The following TPCN1 variants were observed in gnomAD, a reference collection of about 807,000 sequenced individuals.
TPCN1 encodes two pore channel protein 1.
TPCN1 carries 52 observed loss-of-function variants against 108.8 expected under a neutral mutation model. The observed-to-expected ratio is 0.48, with a 90% CI of 0.38 to 0.60. TPCN1 has a LOEUF of 0.60. TPCN1 is among the 20% of genes least tolerant of loss of function. The pLI is 0.00. For missense variants in TPCN1, 806 were observed against 1,072.8 expected, an observed-to-expected ratio of 0.75 and a Z score of 3.47; for synonymous variants, 446 against 433.7, an observed-to-expected ratio of 1.03 and a Z score of -0.35.
intron 4 of TPCN1, among the ~76,000 whole-genome samples, chr12:113,267,403 CT>C (rs542057561): frequency 1.2e-3 from 169 of 145,042 alleles, no homozygotes; most frequent in Middle Eastern, 3.5e-3. Context: ...GTTTTTCTTA[CT>C]TTTTTTTTTT....
At chr12:113,252,716 C>T (rs920076462) in intron 2 of TPCN1, among the ~76,000 whole-genome samples, 5 of 152,214 alleles carry the variant, frequency 3.3e-5, no homozygotes, top group African/African-American at 9.6e-5. Context: ...CTCCATCCAG[C>T]TGCTTGCCTG....
chr12:113,256,191 T>G (rs1335956830), intron 2 of TPCN1, among the ~76,000 whole-genome samples: 1 of 152,100 alleles, frequency 6.6e-6, no homozygotes, highest in Non-Finnish European at 1.5e-5. Context: ...CAGGCTAGGT[T>G]TCTATTGATT....
intron 2 of TPCN1, among the ~76,000 whole-genome samples, chr12:113,245,332 T>C (rs1386487244): frequency 1.7e-5 from 2 of 120,840 alleles, no homozygotes; most frequent in Non-Finnish European, 3.4e-5. Flanking sequence ...GCGCGGTGGC[T>C]CACGCCTGTA....
intron 2 of TPCN1, among the ~76,000 whole-genome samples, chr12:113,239,752 T>C (rs997557473): frequency 2.0e-5 from 3 of 152,218 alleles, no homozygotes; most frequent in African/African-American, 7.2e-5. Flanking sequence ...AGCCCACACA[T>C]GTCCAATCCC....
chr12:113,242,367 C>T (rs948846688), intron 2 of TPCN1, among the ~76,000 whole-genome samples: 12 of 152,206 alleles, frequency 7.9e-5, no homozygotes, highest in African/African-American at 2.7e-4. Context: ...GGCCTACACC[C>T]CCAGCCTTGC....
In TPCN1 at chr12:113,298,397, C is replaced by G. The variant is rs1475372324; in HGVS notation, c.*2321C>G. On this transcript the variant is annotated 3_prime_UTR_variant, in exon 28 of 28. Coordinates refer to ENST00000335509, the MANE Select transcript of TPCN1 (RefSeq NM_017901.6). The stretch of plus-strand genomic sequence containing the variant: ...CAGCCTGGTGGTGGTGGCAATAGAA[C>G]TGTGCCCCTCCTCAGCTCCTCGCTT... 6.6e-6 allele frequency: 1 copy of G among 152,374 alleles called. No individual in the cohort carries two copies. Among genetic ancestry groups the G allele is most frequent in the Admixed American group, 6.5e-5 (1 of 15,292 alleles). 9.4% of individuals were successfully genotyped at this position (152,374 alleles called of 1,614,324 possible).
At chr12:113,285,742 C>T (rs1035697909) in intron 17 of TPCN1, 147 bp from the exon 18 acceptor site, 13 of 706,186 alleles carry the variant, frequency 1.8e-5, no homozygotes, top group East Asian at 1.3e-4. Flanking sequence ...CCTGCTCTCA[C>T]GCTGGGACAT....
intron 15 of TPCN1, among the ~76,000 whole-genome samples, chr12:113,283,411 G>A (rs1955959271): frequency 6.6e-6 from 1 of 152,066 alleles, no homozygotes; most frequent in Non-Finnish European, 1.5e-5. Context: ...GAGGCAGGTG[G>A]ATTGCTTGAG....
Position 113,290,992 on chromosome 12 carries a change from C to G in TPCN1, c.1953C>G (p.Ile651Met). Residue 651 changes from isoleucine (I) to methionine (M), a missense_variant, in exon 23 of 28, where the codon ATC (isoleucine) becomes ATG (methionine). By Grantham distance (10) the Ile-to-Met change is conservative (BLOSUM62 1). Coordinates refer to ENST00000335509, the MANE Select transcript of TPCN1 (RefSeq NM_017901.6). ...FELTVVNNWY[I>M]IMEGVTSQTS... ...TCACAGTTGTCAACAACTGGTACAT[C>G]ATCATGGTAAGAGCTCGGGCAGCTC... is the stretch of plus-strand genomic sequence containing the variant. 6.2e-7 allele frequency: 1 copy of G among 1,613,780 alleles called. No homozygotes were observed. Among genetic ancestry groups the G allele is most frequent in the Non-Finnish European group, 8.5e-7 (1 of 1,179,984 alleles).
chr12:113,261,920 G>A (rs903144243), intron 3 of TPCN1, among the ~76,000 whole-genome samples: 13 of 152,004 alleles, frequency 8.6e-5, no homozygotes, highest in Non-Finnish European at 1.5e-4. Flanking sequence ...GAATTACCGG[G>A]TAGAAGGAAT....
intron 18 of TPCN1, 72 bp from the exon 19 acceptor site, chr12:113,286,914 AG>A: frequency 9.3e-7 from 1 of 1,078,906 alleles, no homozygotes; most frequent in South Asian, 1.3e-5. Flanking sequence ...GGCTGTGCAC[AG>A]GGCCAGGGAG....
intron 2 of TPCN1, among the ~76,000 whole-genome samples, chr12:113,248,717 C>T (rs1954503631): frequency 6.6e-6 from 1 of 152,138 alleles, no homozygotes; most frequent in South Asian, 2.1e-4. Context: ...ACGAGACCCT[C>T]TGATCAAGGG....
intron 3 of TPCN1, among the ~76,000 whole-genome samples, chr12:113,263,318 T>C (rs980581342): frequency 6.6e-6 from 1 of 152,172 alleles, no homozygotes; most frequent in Non-Finnish European, 1.5e-5. Flanking sequence ...GGCTGGAGTA[T>C]AGTGGTGCGA....
intron 15 of TPCN1, among the ~76,000 whole-genome samples, chr12:113,283,086 C>CA (rs145407809): frequency 0.015 from 2,291 of 149,984 alleles, 57 homozygotes; most frequent in African/African-American, 0.053. Flanking sequence ...CAAGAAAAAG[C>CA]AAAAAAAAAT....
chr12:113,245,484 C>T (rs1954328898), intron 2 of TPCN1, among the ~76,000 whole-genome samples: 1 of 146,344 alleles, frequency 6.8e-6, no homozygotes, highest in African/African-American at 2.6e-5. Context: ...GCCTGTAGTC[C>T]CAGCTACTCG....
chr12:113,223,465 C>T (rs995156117), intron 1 of TPCN1, among the ~76,000 whole-genome samples: 1 of 122,668 alleles, frequency 8.2e-6, no homozygotes, highest in Non-Finnish European at 1.7e-5. Context: ...TTCTTCTCAG[C>T]GGAAACGGGA....
intron 3 of TPCN1, among the ~76,000 whole-genome samples, chr12:113,265,760 A>T (rs919743587): frequency 1.3e-5 from 2 of 151,472 alleles, no homozygotes; most frequent in East Asian, 3.9e-4. Flanking sequence ...GGCCTCCCAA[A>T]GTGTTGGGAT....
intron 15 of TPCN1, among the ~76,000 whole-genome samples, chr12:113,281,981 C>T (rs1955901641): frequency 6.8e-6 from 1 of 147,026 alleles, no homozygotes; most frequent in African/African-American, 2.5e-5. Context: ...GGTGCAGTGG[C>T]ATGATCTTGG....
chr12:113,268,872 G>A lies in TPCN1; in HGVS notation c.659G>A (p.Arg220His), dbSNP rs758955012. The change falls in exon 6 of 28, where the codon CGC becomes CAC. Residue 220 changes from arginine to histidine, a missense_variant and splice_region_variant. Arg to His is a conservative substitution (Grantham distance 29). Coordinates refer to ENST00000335509, the MANE Select transcript of TPCN1 (RefSeq NM_017901.6). This position sits in a 1 kb window ranked among gnomAD's most constrained non-coding sequence, Gnocchi z 7.3. ...TGTCGGTATTGCGGTGGCGTCCGGC[G>A]GTAAGGCCCGGGTGGGGAGCTGGGC... ...VDCRYCGGVR[R>H]NLRQIFQSLP... 6.2e-7 allele frequency: 1 copy of A among 1,613,724 alleles called. No homozygotes were observed. Among genetic ancestry groups the A allele is most frequent in the Non-Finnish European group, 8.5e-7 (1 of 1,179,826 alleles).
Sources: allele counts gnomAD v4.1 joint callset (sites outside exome capture counted in the v4.1 genomes callset), GRCh38; gene constraint gnomAD v4.1.1; non-coding constraint Gnocchi (gnomAD v3.1); transcripts MANE v1.5; gene names NCBI Gene and HGNC (gene_info 2026-07-23, HGNC 2026-07-21).